The following CAMTA1 variants were observed in gnomAD, a reference collection of about 807,000 sequenced individuals.
CAMTA1 encodes the protein calmodulin-binding transcription activator 1.
In CAMTA1, 27 loss-of-function variants were observed where a neutral mutation model predicts 170.9. That is an observed-to-expected ratio of 0.16 (90% CI 0.12 to 0.22). The LOEUF (loss-of-function observed/expected upper bound fraction) is 0.22. CAMTA1 is among the 10% of genes least tolerant of loss of function. CAMTA1 has a pLI of 1.00. For synonymous variants in CAMTA1, 833 were observed against 891.5 expected (o/e 0.93, Z 1.17); for missense variants, 1,619 against 2,217.2 (o/e 0.73, Z 5.42).
intron 3 of CAMTA1, among the ~76,000 whole-genome samples, chr1:7,017,593 G>A (rs1324128921): frequency 6.6e-6 from 1 of 151,884 alleles, no homozygotes; most frequent in Non-Finnish European, 1.5e-5. Context: ...GTCTTTAAAT[G>A]AGGAGTGGAG....
At chr1:7,230,894 G>T (rs1662667956) in intron 4 of CAMTA1, among the ~76,000 whole-genome samples, 1 of 152,178 alleles carries the variant, frequency 6.6e-6, no homozygotes, top group South Asian at 2.1e-4. Context: ...GGGGCACACA[G>T]TGGGATCCTC....
At chr1:7,310,633 TTTC>T (rs1676372657) in intron 5 of CAMTA1, among the ~76,000 whole-genome samples, 2 of 14,760 alleles carry the variant, frequency 1.4e-4, no homozygotes, top group Admixed American at 1.4e-3. Flanking sequence ...TCTTTCTTTC[TTTC>T]TTTCTTTCTT....
chr1:6,915,590 C>T (rs764031990), intron 3 of CAMTA1, among the ~76,000 whole-genome samples: 3 of 152,136 alleles, frequency 2.0e-5, no homozygotes, highest in African/African-American at 2.4e-5. Context: ...GAGTGGACAA[C>T]GTGGTCTAGA....
intron 4 of CAMTA1, among the ~76,000 whole-genome samples, chr1:7,176,677 G>C (rs1266812477): frequency 6.6e-6 from 1 of 152,180 alleles, no homozygotes; most frequent in Non-Finnish European, 1.5e-5. Context: ...TTTCTACTCT[G>C]GATCCTTCCA....
chr1:7,363,206 TG>T (rs2085690837), intron 5 of CAMTA1, among the ~76,000 whole-genome samples: 1 of 152,238 alleles, frequency 6.6e-6, no homozygotes, highest in Admixed American at 6.5e-5. Flanking sequence ...GGACATGAGC[TG>T]GGCTGTTTTT....
At chr1:6,807,536 T>G (rs920996214) in intron 1 of CAMTA1, among the ~76,000 whole-genome samples, 1 of 152,032 alleles carries the variant, frequency 6.6e-6, no homozygotes, top group Non-Finnish European at 1.5e-5. Flanking sequence ...CTGGCTAACA[T>G]GGTGAAACCC....
chr1:6,887,895 C>T lies in CAMTA1; in HGVS notation c.234+62685C>T. The stretch of plus-strand genomic sequence containing the variant: ...AATAGAATAAAGTGACCTACTCTTG[C>T]CTCATCCGGAGTTATTACGAAGGAG... On this transcript the variant is annotated intron_variant, in intron 3 of 22. Transcript: ENST00000303635. The surrounding 1 kb of genome is among the most constrained non-coding windows in gnomAD (Gnocchi z 4.1). 1 of 1,386,652 alleles carries T rather than the reference C, an allele frequency of 7.2e-7. No individual in the cohort carries two copies. 85.9% of individuals were successfully genotyped at this position (1,386,652 alleles called of 1,614,324 possible).
At chr1:7,069,982 T>C (rs1638394151) in intron 3 of CAMTA1, among the ~76,000 whole-genome samples, 1 of 152,220 alleles carries the variant, frequency 6.6e-6, no homozygotes, top group African/African-American at 2.4e-5. Context: ...TGCTACTCCT[T>C]GCCGCGGCCT....
chr1:6,920,921 T>C lies in CAMTA1; in HGVS notation c.234+95711T>C, dbSNP rs1014079446. Among the ~76,000 whole-genome samples, 5 of 152,224 alleles carry C rather than the reference T, an allele frequency of 3.3e-5. 1 individual carries two copies. Among genetic ancestry groups the C allele is most frequent in the Admixed American group, 3.3e-4 (5 of 15,290 alleles). On this transcript the variant is annotated intron_variant, in intron 3 of 22. Coordinates refer to ENST00000303635, the MANE Select transcript of CAMTA1 (RefSeq NM_015215.4). ...TTTTCCTTTTAGGCCTCTGGGCCTG[T>C]GATGGAAGAGGCTAGCATGAAGACC...
chr1:7,016,033 A>G (rs1027547602), intron 3 of CAMTA1, among the ~76,000 whole-genome samples: 1 of 152,218 alleles, frequency 6.6e-6, no homozygotes, highest in Admixed American at 6.5e-5. Context: ...TCTTCCTCCA[A>G]CATTGGGGAT....
chr1:7,649,764 A>G (rs781435731), intron 7 of CAMTA1, among the ~76,000 whole-genome samples: 9 of 152,150 alleles, frequency 5.9e-5, no homozygotes, highest in Non-Finnish European at 1.2e-4. Context: ...CCGTGACAGG[A>G]GATCCCCCTT....
At chr1:6,858,442 TGTGGTG>T (rs142635550) in intron 3 of CAMTA1, among the ~76,000 whole-genome samples, 74 of 113,778 alleles carry the variant, frequency 6.5e-4, no homozygotes, top group African/African-American at 1.1e-3. Flanking sequence ...AAGTGGTGTG[TGTGGTG>T]GTGGTGGTGG....
At chr1:7,272,712 A>AAGAAAAAAAAAAAAAAAAAAAAAAAG (rs1553297770) in intron 5 of CAMTA1, among the ~76,000 whole-genome samples, 1 of 109,892 alleles carries the variant, frequency 9.1e-6, no homozygotes, top group Non-Finnish European at 2.0e-5. Flanking sequence ...AAAAAAAAAA[A>AAGAAAAAAAAAAAAAAAAAAAAAAAG]AAAAGAAAAG....
rs375176931 is a variant in CAMTA1 at position 7,574,784 on chromosome 1, GGAA to G, written c.511-65612_511-65610del. Among the ~76,000 whole-genome samples, 51 of 152,264 alleles carry G rather than the reference GGAA, an allele frequency of 3.3e-4. 1 individual carries two copies. The South Asian group carries it at 0.01, about 31-fold the overall frequency. On this transcript the variant is annotated intron_variant, in intron 6 of 22. Coordinates refer to ENST00000303635, the MANE Select transcript of CAMTA1 (RefSeq NM_015215.4). ...GGCCAGGTGTCAGGCTGGCTGAGAT[GGAA>G]GAAAAGTTCCAGGCTTCCCACCTCC...
chr1:7,573,362 G>C (rs1037282435), intron 6 of CAMTA1, among the ~76,000 whole-genome samples: 8 of 152,198 alleles, frequency 5.3e-5, no homozygotes, highest in Non-Finnish European at 1.2e-4. Flanking sequence ...TGAACTGCTG[G>C]TCAGCCTGAG....
At chr1:6,880,063 GT>G (rs914792496) in intron 3 of CAMTA1, among the ~76,000 whole-genome samples, 2 of 150,476 alleles carry the variant, frequency 1.3e-5, no homozygotes, top group African/African-American at 4.9e-5. Flanking sequence ...CTCTAGTAGG[GT>G]TTTTTTTTAA....
intron 11 of CAMTA1, among the ~76,000 whole-genome samples, chr1:7,717,736 T>A (rs950638942): frequency 5.3e-5 from 8 of 151,462 alleles, no homozygotes; most frequent in African/African-American, 1.5e-4. Flanking sequence ...TAAAAAAAAA[T>A]AAAAAAATAA....
At chr1:6,800,460 C>G (rs890713153) in intron 1 of CAMTA1, among the ~76,000 whole-genome samples, 1 of 151,890 alleles carries the variant, frequency 6.6e-6, no homozygotes, top group African/African-American at 2.4e-5. Flanking sequence ...TGTACAACAC[C>G]AAAATGTTCA....
In CAMTA1 at chr1:7,383,162, C is replaced by T. The variant is rs1004185214; in HGVS notation, c.439-84668C>T. On this transcript the variant is annotated intron_variant, in intron 5 of 22. Coordinates refer to ENST00000303635, the MANE Select transcript of CAMTA1 (RefSeq NM_015215.4). ...CTGAGACCACATGGAGAGTGTGGGT[C>T]GTAACCCTGCAGGGCTTCCTACGCC... 2.0e-5 allele frequency among the ~76,000 whole-genome samples: 3 copies of T among 152,088 alleles called. No homozygotes were observed. The East Asian group carries it at 5.8e-4, about 29-fold the overall frequency.
Sources: gnomAD v4.1 joint callset for allele counts (sites outside exome capture counted in the v4.1 genomes callset) on GRCh38, gnomAD v4.1.1 for gene constraint, Gnocchi (gnomAD v3.1) non-coding constraint, MANE v1.5 for transcripts, NCBI Gene and HGNC (gene_info 2026-07-23, HGNC 2026-07-21) for gene names.